MMP26: variants seen among roughly 807,000 people sequenced by gnomAD.
The protein encoded by MMP26 is matrix metallopeptidase 26.
Under a neutral mutation model 31.0 loss-of-function variants are expected in MMP26, and 33 were observed. The ratio of observed to expected loss-of-function variants is 1.06; its 90% confidence interval spans 0.81 to 1.42. MMP26 has a LOEUF of 1.42. MMP26 is among the 40% of genes most tolerant of loss of function. The pLI is 0.00. For synonymous variants in MMP26, 122 were observed against 114.9 expected (o/e 1.06, Z -0.40); for missense variants, 347 against 316.1 (o/e 1.10, Z -0.74).
chr11:4,723,600 G>A (rs535378924), intron 1 of MMP26: 3 of 973,502 alleles, frequency 3.1e-6, no homozygotes, highest in East Asian at 2.4e-5. Flanking sequence ...CCTTCTTGAT[G>A]AGGACAAATT....
intron 2 of MMP26, among the ~76,000 whole-genome samples, chr11:4,980,638 A>G (rs1846799816): frequency 6.6e-6 from 1 of 152,144 alleles, no homozygotes; most frequent in African/African-American, 2.4e-5. Flanking sequence ...ATTCTGTGCT[A>G]TTTATATTCC....
At chr11:4,939,432 T>A (rs1393283537) in intron 2 of MMP26, among the ~76,000 whole-genome samples, 3 of 152,188 alleles carry the variant, frequency 2.0e-5, no homozygotes, top group African/African-American at 7.2e-5. Flanking sequence ...TTAGCCCTTC[T>A]TAATATCTCA....
At chr11:4,754,096 A>T (rs76541691) in intron 1 of MMP26, among the ~76,000 whole-genome samples, 3 of 141,770 alleles carry the variant, frequency 2.1e-5, no homozygotes, top group Non-Finnish European at 4.6e-5. Flanking sequence ...TAAAAGAGAG[A>T]TTTTTTTTTT....
intron 1 of MMP26, chr11:4,709,775 C>T (rs1195302682): frequency 6.5e-6 from 3 of 458,676 alleles, no homozygotes; most frequent in Non-Finnish European, 1.3e-5. Context: ...CCATGCTATC[C>T]TTCATGGACC....
At chr11:4,722,900 C>G in intron 1 of MMP26, 1 of 786,694 alleles carries the variant, frequency 1.3e-6, no homozygotes, top group Admixed American at 1.7e-5. Flanking sequence ...GCTTGTGAGG[C>G]CCCCATAGGC....
chr11:4,976,709 T>C (rs1589822877), intron 2 of MMP26, among the ~76,000 whole-genome samples: 2 of 152,054 alleles, frequency 1.3e-5, no homozygotes, highest in African/African-American at 4.8e-5. Flanking sequence ...GTCTTTTCTT[T>C]ACACAGATGA....
chr11:4,762,875 GAAA>G (rs1848584326), intron 1 of MMP26, among the ~76,000 whole-genome samples: 1 of 152,138 alleles, frequency 6.6e-6, no homozygotes, highest in East Asian at 1.9e-4. Flanking sequence ...GTAGCTCAAA[GAAA>G]AGACCTAGCA....
chr11:4,832,960 T>C (rs541169194), intron 2 of MMP26: 2 of 160,164 alleles, frequency 1.2e-5, no homozygotes, highest in East Asian at 1.6e-4. Context: ...ATGATTCTGA[T>C]AGCAGATGCA....
At chr11:4,946,954 A>C (rs759553343) in intron 2 of MMP26, 1 of 1,605,720 alleles carries the variant, frequency 6.2e-7, no homozygotes. Flanking sequence ...TCTTGATGAT[A>C]AAAAGAATGG....
In MMP26 at chr11:4,967,213, G is replaced by T. The variant is rs545498510; in HGVS notation, c.-144-20855G>T. The stretch of plus-strand genomic sequence containing the variant: ...CAGATTTTAGAAGAAAGTAAAAGTG[G>T]TACTCAATAAGGGAGTACTGTAATT... On this transcript the variant is annotated intron_variant, in intron 2 of 7. Coordinates refer to ENST00000380390, the MANE Select transcript of MMP26 (RefSeq NM_021801.5). 1.3e-3 allele frequency among the ~76,000 whole-genome samples: 191 copies of T among 152,138 alleles called. 1 individual carries two copies. The highest frequency in any genetic ancestry group is 4.3e-3 in the African/African-American group (179 of 41,488).
chr11:4,932,150 G>T (rs1264527683), intron 2 of MMP26, among the ~76,000 whole-genome samples: 1 of 151,898 alleles, frequency 6.6e-6, no homozygotes, highest in East Asian at 1.9e-4. Flanking sequence ...CAACAGGCAG[G>T]CACAGACACA....
chr11:4,959,603 A>G (rs1846493408), intron 2 of MMP26, among the ~76,000 whole-genome samples: 1 of 152,190 alleles, frequency 6.6e-6, no homozygotes, highest in Non-Finnish European at 1.5e-5. Context: ...TCTTGCTTCC[A>G]TACCATTGCT....
chr11:4,991,411 C>A lies in MMP26; in HGVS notation c.510C>A (p.Ile170=). The part of the protein sequence containing the change: ...DGWPFDGPGG[I]LGHAFLPNSG... ...GGCCCTTTGATGGGCCAGGTGGTAT[C>A]TTAGGCCATGCCTTTTTACCAAATT... is the stretch of plus-strand genomic sequence containing the variant. The change falls in exon 6 of 8, where the codon ATC becomes ATA. Residue 170 remains isoleucine (I), a synonymous_variant. Coordinates refer to ENST00000380390, the MANE Select transcript of MMP26 (RefSeq NM_021801.5). 1 of 1,614,056 alleles carries A rather than the reference C, an allele frequency of 6.2e-7. No individual in the cohort carries two copies. The highest frequency in any genetic ancestry group is 8.5e-7 in the Non-Finnish European group (1 of 1,179,908).
intron 1 of MMP26, among the ~76,000 whole-genome samples, chr11:4,750,198 C>G (rs1848430783): frequency 1.3e-5 from 2 of 152,042 alleles, no homozygotes; most frequent in Non-Finnish European, 2.9e-5. Flanking sequence ...CACCACTAAT[C>G]ATCAGAGAAG....
In MMP26 at chr11:4,991,504, C is replaced by G; in HGVS notation, c.595+8C>G. 6.2e-7 allele frequency: 1 copy of G among 1,612,356 alleles called. No individual in the cohort carries two copies. Among genetic ancestry groups the G allele is most frequent in the Non-Finnish European group, 8.5e-7 (1 of 1,178,852 alleles). The stretch of plus-strand genomic sequence containing the variant: ...GGTCAGCTTCAGACACTGGTAAATG[C>G]CTTGTTTGGTGGGATCGCTAGAACT... On this transcript the variant is annotated splice_region_variant and intron_variant, in intron 6 of 7. Transcript: ENST00000380390.
At chr11:4,965,503 C>T (rs1217001857) in intron 2 of MMP26, among the ~76,000 whole-genome samples, 2 of 152,040 alleles carry the variant, frequency 1.3e-5, no homozygotes, top group African/African-American at 4.8e-5. Context: ...TTTTTCCTTT[C>T]CTTACATAGA....
At chr11:4,991,549 A>G (rs1847003196) in intron 6 of MMP26, 53 bp downstream of exon 6, 6 of 1,597,028 alleles carry the variant, frequency 3.8e-6, no homozygotes, top group Non-Finnish European at 3.4e-6. Flanking sequence ...CCTGGGGTTC[A>G]GTGTTGATGG....
At chr11:4,927,747 G>A (rs1359729288) in intron 2 of MMP26, among the ~76,000 whole-genome samples, 2 of 152,120 alleles carry the variant, frequency 1.3e-5, no homozygotes, top group African/African-American at 2.4e-5. Context: ...TCTTTTTGAA[G>A]AGCCCAAAAG....
chr11:4,712,156 C>T (rs1847870531), intron 1 of MMP26: 1 of 152,118 alleles, frequency 6.6e-6, no homozygotes, highest in Admixed American at 6.6e-5. Flanking sequence ...TATAACTTCA[C>T]ATATATACTG....
Sources: gnomAD v4.1 joint callset for allele counts (sites outside exome capture counted in the v4.1 genomes callset) on GRCh38, gnomAD v4.1.1 for gene constraint, MANE v1.5 for transcripts, NCBI Gene and HGNC (gene_info 2026-07-23, HGNC 2026-07-21) for gene names.